QKI: variants seen among roughly 807,000 people sequenced by gnomAD.
QKI encodes QKI, KH domain containing RNA binding.
In QKI, 10 loss-of-function variants were observed where a neutral mutation model predicts 39.0. The ratio of observed to expected loss-of-function variants is 0.26; its 90% CI spans 0.16 to 0.43. The LOEUF (loss-of-function observed/expected upper bound fraction) is 0.43. Among genes scored for constraint, QKI ranks in the 20% least tolerant of loss-of-function variants. The pLI, the probability that QKI is intolerant of heterozygous loss-of-function variation, is 1.00. For missense variants in QKI, 218 were observed against 428.0 expected, an observed-to-expected ratio of 0.51 and a Z score of 4.33; for synonymous variants, 204 against 155.4, an observed-to-expected ratio of 1.31 and a Z score of -2.33.
chr6:163,522,260 C>T (rs1412568957), intron 3 of QKI, among the ~76,000 whole-genome samples: 1 of 152,172 alleles, frequency 6.6e-6, no homozygotes, highest in Non-Finnish European at 1.5e-5. Flanking sequence ...AGTTACTAGT[C>T]TGTAGGCTCC....
At chr6:163,514,092 A>C (rs942963814) in intron 3 of QKI, among the ~76,000 whole-genome samples, 1 of 151,924 alleles carries the variant, frequency 6.6e-6, no homozygotes, top group Non-Finnish European at 1.5e-5. Flanking sequence ...TAACCCTTGC[A>C]CTCTGGCACA....
chr6:163,473,410 G>T lies in QKI; in HGVS notation c.286-5370G>T, dbSNP rs572311443. The stretch of plus-strand genomic sequence containing the variant: ...GGAGATGCAGATTCCCTTTGCAGAT[G>T]GCATGGACACAATGAGGGGCAGAGA... On this transcript the variant is annotated intron_variant, in intron 2 of 7. Transcript: ENST00000361752. Among the ~76,000 whole-genome samples the T allele has an allele frequency of 2.9e-4, 44 of 152,238 alleles. 1 individual carries two copies. The South Asian group carries it at 9.1e-3, about 32-fold the overall frequency.
intron 3 of QKI, among the ~76,000 whole-genome samples, chr6:163,514,521 A>G (rs1160766464): frequency 6.6e-6 from 1 of 152,184 alleles, no homozygotes; most frequent in East Asian, 1.9e-4. Context: ...TTCTAAAAGA[A>G]AAATGGAGGA....
At position 163,478,899 on chromosome 6, in the gene QKI, A is replaced by G; in HGVS notation, c.402+3A>G. 1 of 1,591,874 alleles carries G rather than the reference A, an allele frequency of 6.3e-7. No individual in the cohort carries two copies. Among genetic ancestry groups the G allele is most frequent in the Non-Finnish European group, 8.6e-7 (1 of 1,163,084 alleles). ...GCTCAATGAGGGATAAAAAAAAGGT[A>G]AGTCCTTGAAAATGGACTAAGTCTT... is the stretch of plus-strand genomic sequence containing the variant. On this transcript the variant is annotated splice_donor_region_variant and intron_variant, in intron 3 of 7. Transcript: ENST00000361752.
chr6:163,553,408 C>T lies in QKI; in HGVS notation c.547-8574C>T, dbSNP rs147923623. On this transcript the variant is annotated intron_variant, in intron 4 of 7. Transcript: ENST00000361752. Reference sequence around the variant, plus strand: ...TGAGCCACCATGCCCAGCTCAGGTTCCTATTTTTTATCTTCTTTTGTAGAA... The same window carrying T: ...TGAGCCACCATGCCCAGCTCAGGTTTCTATTTTTTATCTTCTTTTGTAGAA... Among the ~76,000 whole-genome samples the T allele has an allele frequency of 3.9e-3, 595 of 152,094 alleles. 1 individual carries two copies. The highest frequency in any genetic ancestry group is 5.6e-3 in the Non-Finnish European group (379 of 67,952).
chr6:163,477,103 C>T (rs2128224950), intron 2 of QKI, among the ~76,000 whole-genome samples: 1 of 151,670 alleles, frequency 6.6e-6, no homozygotes, highest in East Asian at 1.9e-4. Context: ...GCAACCTCCA[C>T]CTCCTGGGTT....
At chr6:163,568,818 T>C in intron 7 of QKI, 2 of 985,754 alleles carry the variant, frequency 2.0e-6, no homozygotes, top group Non-Finnish European at 2.4e-6. Context: ...CAAAACTGAA[T>C]TTGAAGCCTA....
intron 3 of QKI, among the ~76,000 whole-genome samples, chr6:163,500,049 T>C (rs996885505): frequency 6.6e-6 from 1 of 152,156 alleles, no homozygotes; most frequent in African/African-American, 2.4e-5. Flanking sequence ...TGAATGTTTC[T>C]GGGTGAAGTT....
At chr6:163,526,670 T>A (rs1780535330) in intron 3 of QKI, among the ~76,000 whole-genome samples, 1 of 152,212 alleles carries the variant, frequency 6.6e-6, no homozygotes, top group Non-Finnish European at 1.5e-5. Context: ...GGGAAACTTT[T>A]TGTACATATT....
At chr6:163,546,152 CAG>C (rs1272142932) in intron 4 of QKI, among the ~76,000 whole-genome samples, 5 of 150,978 alleles carry the variant, frequency 3.3e-5, no homozygotes, top group African/African-American at 1.2e-4. Context: ...ATATTCTACA[CAG>C]ATACTGTAAA....
chr6:163,563,006 A>C (rs1783126968), intron 5 of QKI, among the ~76,000 whole-genome samples: 1 of 152,198 alleles, frequency 6.6e-6, no homozygotes, highest in Admixed American at 6.5e-5. Flanking sequence ...TTTGAAACTA[A>C]AGCTGTACTT....
chr6:163,564,056 A>G, intron 6 of QKI: 2 of 1,106,950 alleles, frequency 1.8e-6, no homozygotes, highest in Non-Finnish European at 2.2e-6. Context: ...CATCAGCTCC[A>G]CTTCTCAAAC....
intron 1 of QKI, among the ~76,000 whole-genome samples, chr6:163,441,971 T>G (rs960508192): frequency 3.3e-5 from 5 of 152,218 alleles, no homozygotes; most frequent in African/African-American, 4.8e-5. Flanking sequence ...GGGAAATCAT[T>G]AGAGCAGTGG....
rs377408475 is a variant in QKI at position 163,574,740 on chromosome 6, ACTTG to A, written c.*4034_*4037del. On this transcript the variant is annotated 3_prime_UTR_variant, in exon 8 of 8. Transcript: ENST00000361752. The stretch of plus-strand genomic sequence containing the variant: ...GTGCATTTTTATTTCACAGATTGAT[ACTTG>A]CTTTTTTCTGTGAAACAGTTCTCCT... 108 of 152,234 alleles carry A rather than the reference ACTTG, an allele frequency of 7.1e-4. No individual in the cohort carries two copies. The highest frequency in any genetic ancestry group is 2.5e-3 in the African/African-American group (102 of 41,558). 9.4% of individuals were successfully genotyped at this position (152,234 alleles called of 1,614,324 possible).
chr6:163,566,293 T>G (rs1783359970), intron 6 of QKI: 1 of 1,212,404 alleles, frequency 8.2e-7, no homozygotes, highest in Admixed American at 4.1e-5. Context: ...GCTTTAAGAA[T>G]TGCTTTTAAA....
At position 163,459,484 on chromosome 6, in the gene QKI, A is replaced by G. The variant is rs369952450; in HGVS notation, c.285+4063A>G. 8.5e-4 allele frequency among the ~76,000 whole-genome samples: 130 copies of G among 152,318 alleles called. 2 individuals are homozygous for G. The highest frequency in any genetic ancestry group is 1.2e-3 in the East Asian group (6 of 5,186). Reference sequence around the variant, plus strand: ...AAAGAATTACCTGGACCCAAATGTCAGTAGTGCTGAGGTTGAGAAACCCTG... The same window carrying G: ...AAAGAATTACCTGGACCCAAATGTCGGTAGTGCTGAGGTTGAGAAACCCTG... On this transcript the variant is annotated intron_variant, in intron 2 of 7. Transcript: ENST00000361752.
At position 163,572,799 on chromosome 6, in the gene QKI, A is replaced by G. The variant is rs780932275; in HGVS notation, c.*2089A>G. ...TCCCCCACCATCTTGTCTCACTTGG[A>G]AACCGTTGTCAGTTTATTTACTATG... On this transcript the variant is annotated 3_prime_UTR_variant, in exon 8 of 8. Coordinates refer to ENST00000361752, the MANE Select transcript of QKI (RefSeq NM_006775.3). 10 of 151,858 alleles carry G rather than the reference A, an allele frequency of 6.6e-5. No homozygotes were observed. The highest frequency in any genetic ancestry group is 1.3e-4 in the Non-Finnish European group (9 of 68,010). 9.4% of individuals were successfully genotyped at this position (151,858 alleles called of 1,614,324 possible).
At chr6:163,517,135 A>G (rs1779880754) in intron 3 of QKI, among the ~76,000 whole-genome samples, 2 of 147,966 alleles carry the variant, frequency 1.4e-5, no homozygotes, top group Middle Eastern at 3.4e-3. Context: ...CTCCCTTATT[A>G]TGAGGAATTG....
At chr6:163,569,051 A>G (rs1783547816) in intron 7 of QKI, 7 of 970,350 alleles carry the variant, frequency 7.2e-6, no homozygotes, top group African/African-American at 1.8e-5. Context: ...AGAAACTTTA[A>G]ACAGTTTTAA....
Sources: allele counts gnomAD v4.1 joint callset (sites outside exome capture counted in the v4.1 genomes callset), GRCh38; gene constraint gnomAD v4.1.1; transcripts MANE v1.5; gene names NCBI Gene and HGNC (gene_info 2026-07-23, HGNC 2026-07-21).